EYS: variants seen among roughly 807,000 people sequenced by gnomAD.
EYS encodes the protein protein eyes shut homolog.
Under a neutral mutation model 282.1 loss-of-function variants are expected in EYS, and 250 were observed. The ratio of observed to expected loss-of-function variants is 0.89; its 90% CI spans 0.80 to 0.98. EYS has a LOEUF of 0.98. EYS is among the 50% of genes least tolerant of loss of function. The pLI is 0.00. For missense variants in EYS, 4,016 were observed against 3,709.0 expected (o/e 1.08, Z -2.15); for synonymous variants, 1,355 against 1,282.9 (o/e 1.06, Z -1.20).
At chr6:64,944,755 C>T (rs1024930303) in intron 15 of EYS, among the ~76,000 whole-genome samples, 18 of 152,128 alleles carry the variant, frequency 1.2e-4, no homozygotes, top group African/African-American at 4.1e-4. Flanking sequence ...GTATAAAACC[C>T]GATTGTACAT....
chr6:65,071,450 T>C (rs577132553), intron 12 of EYS, among the ~76,000 whole-genome samples: 2 of 151,914 alleles, frequency 1.3e-5, no homozygotes, highest in South Asian at 4.1e-4. Context: ...ATGGTAGTGT[T>C]GAAATAGTTT....
intron 24 of EYS, among the ~76,000 whole-genome samples, chr6:64,603,571 C>T (rs1766828021): frequency 2.0e-5 from 3 of 151,920 alleles, no homozygotes; most frequent in Non-Finnish European, 4.4e-5. Context: ...TTATCAAAAT[C>T]TTATACAGCC....
At chr6:64,697,762 T>G (rs1770634057) in intron 22 of EYS, among the ~76,000 whole-genome samples, 1 of 151,998 alleles carries the variant, frequency 6.6e-6, no homozygotes, top group South Asian at 2.1e-4. Flanking sequence ...GCTAACACTG[T>G]GAAACCCCAT....
intron 1 of EYS, among the ~76,000 whole-genome samples, chr6:65,658,153 G>A (rs575294480): frequency 9.9e-5 from 15 of 151,730 alleles, no homozygotes; most frequent in African/African-American, 3.6e-4. Flanking sequence ...AGGTTGCCTG[G>A]AACTGAACTC....
At chr6:64,430,985 C>T (rs949682751) in intron 28 of EYS, among the ~76,000 whole-genome samples, 3 of 152,220 alleles carry the variant, frequency 2.0e-5, no homozygotes, top group East Asian at 1.9e-4. Context: ...GCCAGGACCA[C>T]AACATAGTTA....
intron 12 of EYS, among the ~76,000 whole-genome samples, chr6:65,146,858 T>C (rs1764491195): frequency 6.6e-6 from 1 of 152,040 alleles, no homozygotes; most frequent in Admixed American, 6.6e-5. Flanking sequence ...TTCCCTAATA[T>C]GAATGATTCA....
chr6:65,349,373 A>C (rs9445512), intron 9 of EYS, among the ~76,000 whole-genome samples: 1 of 151,150 alleles, frequency 6.6e-6, no homozygotes, highest in Non-Finnish European at 1.5e-5. Context: ...TAAGATGTCA[A>C]TTTCATAGAA....
At chr6:64,586,920 G>A (rs1041488955) in intron 26 of EYS, among the ~76,000 whole-genome samples, 3 of 152,026 alleles carry the variant, frequency 2.0e-5, no homozygotes, top group African/African-American at 7.2e-5. Context: ...TTATATTGCT[G>A]TAGGAAAAGA....
chr6:65,428,559 AT>A (rs1288586696), intron 5 of EYS, among the ~76,000 whole-genome samples: 1 of 151,862 alleles, frequency 6.6e-6, no homozygotes, highest in East Asian at 1.9e-4. Flanking sequence ...CTGGAATTGT[AT>A]GCCAAATCTA....
intron 21 of EYS, among the ~76,000 whole-genome samples, chr6:64,817,352 T>G (rs955013921): frequency 6.6e-6 from 1 of 152,156 alleles, no homozygotes; most frequent in African/African-American, 2.4e-5. Flanking sequence ...GAATCCACTA[T>G]GTACTAATGA....
intron 12 of EYS, among the ~76,000 whole-genome samples, chr6:65,165,081 T>C (rs926978803): frequency 1.3e-5 from 2 of 151,296 alleles, no homozygotes. Flanking sequence ...TATCCTAGTA[T>C]ACACAAAACA....
At chr6:64,435,135 T>G (rs558617911) in intron 28 of EYS, among the ~76,000 whole-genome samples, 1 of 152,170 alleles carries the variant, frequency 6.6e-6, no homozygotes, top group South Asian at 2.1e-4. Flanking sequence ...GTCTGTGTCA[T>G]GGCACTTTTA....
chr6:64,656,501 G>GT (rs1411961249), intron 22 of EYS, among the ~76,000 whole-genome samples: 5 of 152,124 alleles, frequency 3.3e-5, no homozygotes, highest in African/African-American at 4.8e-5. Flanking sequence ...AGTAGAAGTA[G>GT]TTTTTTAGGA....
chr6:65,285,396 C>G (rs1359932435), intron 12 of EYS, among the ~76,000 whole-genome samples: 1 of 151,868 alleles, frequency 6.6e-6, no homozygotes, highest in Non-Finnish European at 1.5e-5. Context: ...AGAGAAATCA[C>G]TTAGTTTTCT....
chr6:64,344,040 G>T (rs1326370350), intron 29 of EYS, among the ~76,000 whole-genome samples: 5 of 152,112 alleles, frequency 3.3e-5, no homozygotes, highest in Non-Finnish European at 7.4e-5. Context: ...CCAATAACAG[G>T]CTCTGAAATT....
At chr6:64,238,998 T>G (rs1482051388) in intron 30 of EYS, among the ~76,000 whole-genome samples, 1 of 152,104 alleles carries the variant, frequency 6.6e-6, no homozygotes. Context: ...TGAGAATATG[T>G]GGTGTTTGGT....
intron 16 of EYS, among the ~76,000 whole-genome samples, chr6:64,909,942 A>G (rs1172033217): frequency 2.6e-5 from 4 of 152,246 alleles, no homozygotes; most frequent in Admixed American, 1.3e-4. Context: ...ATACAGTCGC[A>G]TTGTTACTCT....
At chr6:63,951,411 C>T (rs1471702188) in intron 35 of EYS, among the ~76,000 whole-genome samples, 1 of 152,092 alleles carries the variant, frequency 6.6e-6, no homozygotes, top group Non-Finnish European at 1.5e-5. Flanking sequence ...ACATCGAACC[C>T]TCCCTAGTCT....
chr6:64,147,909 T>C (rs1774573416), intron 31 of EYS, among the ~76,000 whole-genome samples: 1 of 152,146 alleles, frequency 6.6e-6, no homozygotes, highest in Non-Finnish European at 1.5e-5. Flanking sequence ...AAAAATAAAC[T>C]TTTGTTTTGT....
Sources: gnomAD v4.1 joint callset for allele counts (sites outside exome capture counted in the v4.1 genomes callset) on GRCh38, gnomAD v4.1.1 for gene constraint, MANE v1.5 for transcripts, NCBI Gene and HGNC (gene_info 2026-07-23, HGNC 2026-07-21) for gene names.